Variants in ASPH observed in about 807,000 individuals in gnomAD.
The protein encoded by ASPH is aspartate beta-hydroxylase.
Under a neutral mutation model 118.4 loss-of-function variants are expected in ASPH, and 100 were observed. That is an observed-to-expected ratio of 0.84 (90% confidence interval 0.72 to 1.00). The LOEUF is 1.00. Ranked by LOEUF, ASPH falls within the 50% of genes least tolerant of loss-of-function variation. ASPH has a pLI of 0.00. For synonymous variants in ASPH, 315 were observed against 325.6 expected, an observed-to-expected ratio of 0.97 and a Z score of 0.35; for missense variants, 920 against 919.5, an observed-to-expected ratio of 1.00 and a Z score of -0.01.
intron 15 of ASPH, among the ~76,000 whole-genome samples, chr8:61,577,855 G>A (rs939676495): frequency 9.2e-5 from 14 of 152,156 alleles, no homozygotes; most frequent in Admixed American, 8.5e-4. Context: ...ATTACAATTT[G>A]AGATGGGACT....
chr8:61,523,449 G>C (rs145183860), intron 22 of ASPH, among the ~76,000 whole-genome samples: 3,219 of 151,442 alleles, frequency 0.021, 47 homozygotes, highest in Non-Finnish European at 0.034. Flanking sequence ...CCGAGTAGCT[G>C]GAATTACAGG....
intron 14 of ASPH, among the ~76,000 whole-genome samples, chr8:61,615,930 T>A (rs898887124): frequency 6.6e-6 from 1 of 152,208 alleles, no homozygotes; most frequent in East Asian, 1.9e-4. Context: ...CAGATAACAG[T>A]ATCATATGAA....
chr8:61,599,243 T>C (rs1486263949), intron 14 of ASPH, among the ~76,000 whole-genome samples: 1 of 152,026 alleles, frequency 6.6e-6, no homozygotes, highest in Non-Finnish European at 1.5e-5. Context: ...CAACACATGT[T>C]CTCATTCATA....
At chr8:61,639,930 A>C (rs1804307953) in intron 10 of ASPH, among the ~76,000 whole-genome samples, 1 of 152,114 alleles carries the variant, frequency 6.6e-6, no homozygotes, top group Admixed American at 6.5e-5. Flanking sequence ...GTCTCCCCCC[A>C]GCTACACCCA....
intron 1 of ASPH, chr8:61,689,533 CAGG>C: frequency 1.3e-6 from 1 of 753,012 alleles, no homozygotes; most frequent in Non-Finnish European, 2.1e-6. Flanking sequence ...TCAGTATCTC[CAGG>C]AGTTCAAAAT....
intron 12 of ASPH, 85 bp from the exon 13 acceptor site, chr8:61,633,812 T>C (rs754419650): frequency 3.4e-6 from 3 of 895,246 alleles, no homozygotes; most frequent in Non-Finnish European, 5.0e-6. Flanking sequence ...GTAATGATGA[T>C]ACTTTTCATA....
At chr8:61,548,472 T>C (rs1247457780) in intron 20 of ASPH, among the ~76,000 whole-genome samples, 2 of 152,190 alleles carry the variant, frequency 1.3e-5, no homozygotes, top group African/African-American at 4.8e-5. Context: ...ATTCATGCCC[T>C]ACACATTTTG....
At chr8:61,595,323 G>A (rs1454946160) in intron 14 of ASPH, among the ~76,000 whole-genome samples, 1 of 152,180 alleles carries the variant, frequency 6.6e-6, no homozygotes, top group Non-Finnish European at 1.5e-5. Flanking sequence ...GGATGATGAA[G>A]TGACAAACTA....
chr8:61,590,081 T>G (rs757955806), intron 14 of ASPH, among the ~76,000 whole-genome samples: 1 of 152,120 alleles, frequency 6.6e-6, no homozygotes, highest in Non-Finnish European at 1.5e-5. Flanking sequence ...TGTGAAAGGC[T>G]AAAATTCCTC....
intron 5 of ASPH, among the ~76,000 whole-genome samples, chr8:61,648,371 G>A (rs1809144463): frequency 6.6e-6 from 1 of 152,142 alleles, no homozygotes; most frequent in Non-Finnish European, 1.5e-5. Flanking sequence ...AGAGAATCAG[G>A]CAGGCCTATT....
At chr8:61,689,449 TC>T (rs1237948747) in intron 1 of ASPH, among the ~76,000 whole-genome samples, 1 of 152,170 alleles carries the variant, frequency 6.6e-6, no homozygotes, top group Admixed American at 6.5e-5. Context: ...TAAAAGGTCA[TC>T]TAAATTAAGA....
intron 16 of ASPH, 59 bp downstream of exon 16, chr8:61,576,713 A>T (rs1302920976): frequency 6.9e-7 from 1 of 1,459,760 alleles, no homozygotes; most frequent in Non-Finnish European, 9.3e-7. Context: ...TAAAAAATTC[A>T]ATCACACAAA....
At chr8:61,605,212 T>A (rs1845197969) in intron 14 of ASPH, among the ~76,000 whole-genome samples, 1 of 152,248 alleles carries the variant, frequency 6.6e-6, no homozygotes, top group East Asian at 1.9e-4. Flanking sequence ...ATAAAGTTTA[T>A]CACAGTCATT....
At chr8:61,657,463 G>A (rs996304768) in intron 3 of ASPH, 5 of 152,144 alleles carry the variant, frequency 3.3e-5, no homozygotes, top group Admixed American at 2.6e-4. Context: ...TGTACAGCAC[G>A]TACTGTACCG....
chr8:61,694,378 G>A (rs1012714123), intron 1 of ASPH, among the ~76,000 whole-genome samples: 1 of 152,120 alleles, frequency 6.6e-6, no homozygotes, highest in Non-Finnish European at 1.5e-5. Flanking sequence ...CAGAGCCGCT[G>A]TTTCTCTGTT....
intron 3 of ASPH, chr8:61,676,394 G>A (rs1825398530): frequency 3.0e-6 from 4 of 1,352,994 alleles, no homozygotes; most frequent in African/African-American, 1.5e-5. Flanking sequence ...GAGGAAGGGT[G>A]ATCTCAAAAG....
At chr8:61,550,613 G>A (rs1377115638) in intron 20 of ASPH, among the ~76,000 whole-genome samples, 1 of 152,214 alleles carries the variant, frequency 6.6e-6, no homozygotes, top group Non-Finnish European at 1.5e-5. Flanking sequence ...GGAGCCCACT[G>A]TCCAGTGAGG....
chr8:61,625,972 T>C, intron 13 of ASPH: 11 of 1,156,926 alleles, frequency 9.5e-6, no homozygotes, highest in Non-Finnish European at 1.1e-5. Flanking sequence ...CACACATAAA[T>C]TCAGGTAAGA....
At chr8:61,615,663 A>C (rs1485459305) in intron 14 of ASPH, among the ~76,000 whole-genome samples, 1 of 152,258 alleles carries the variant, frequency 6.6e-6, no homozygotes, top group Non-Finnish European at 1.5e-5. Context: ...TTTTGTGACC[A>C]TGGGCTATGG....
Sources: allele counts gnomAD v4.1 joint callset (sites outside exome capture counted in the v4.1 genomes callset), GRCh38; gene constraint gnomAD v4.1.1; transcripts MANE v1.5; gene names NCBI Gene and HGNC (gene_info 2026-07-23, HGNC 2026-07-21).